Variants in VPS33B observed in about 807,000 individuals in gnomAD.
The protein encoded by VPS33B is vacuolar protein sorting-associated protein 33B.
A neutral mutation model predicts 95.3 loss-of-function variants in VPS33B; 80 were observed. That is an observed-to-expected ratio of 0.84 (90% CI 0.70 to 1.01). The LOEUF (loss-of-function observed/expected upper bound fraction) is 1.01. Among genes scored for constraint, VPS33B ranks in the 50% least tolerant of loss-of-function variants. The probability of loss-of-function intolerance (pLI) is 0.00; values close to 1 mark genes in which losing one functional copy is unlikely to be tolerated. For synonymous variants in VPS33B, 280 were observed against 280.4 expected (o/e 1.00, Z 0.01); for missense variants, 715 against 773.4 (o/e 0.92, Z 0.90).
chr15:91,005,840 C>A lies in VPS33B; in HGVS notation c.940-56G>T. On this transcript the variant is annotated intron_variant, in intron 12 of 22. Coordinates refer to ENST00000333371, the MANE Select transcript of VPS33B (RefSeq NM_018668.5). This position sits in a 1 kb window ranked among gnomAD's most constrained non-coding sequence, Gnocchi z 6.4. ...CAACCTCAGACACGAGAAACCACCA[C>A]CCTCCCTCAGTTGCCATCCATCCAT... 2 of 1,611,150 alleles carry A rather than the reference C, an allele frequency of 1.2e-6. No individual in the cohort carries two copies. Among genetic ancestry groups the A allele is most frequent in the Non-Finnish European group, 1.7e-6 (2 of 1,177,424 alleles).
At position 91,006,477 on chromosome 15, in the gene VPS33B, T is replaced by G; in HGVS notation, c.779-32A>C. 1 of 1,614,026 alleles carries G rather than the reference T, an allele frequency of 6.2e-7. No homozygotes were observed. Among genetic ancestry groups the G allele is most frequent in the South Asian group, 1.1e-5 (1 of 91,082 alleles). ...GAGCAGAGGGACAGCTATTAGGATCTCCAATGAGGACTTCTCCTACCATTC... is the reference window on the plus strand; with the variant it reads ...GAGCAGAGGGACAGCTATTAGGATCGCCAATGAGGACTTCTCCTACCATTC... On this transcript the variant is annotated intron_variant, in intron 10 of 22. Coordinates refer to ENST00000333371, the MANE Select transcript of VPS33B (RefSeq NM_018668.5). The surrounding 1 kb of genome is among the most constrained non-coding windows in gnomAD (Gnocchi z 5.4).
Position 91,002,723 on chromosome 15 carries a change from T to A in VPS33B, c.1272+362A>T, listed in dbSNP as rs552562849. Reference sequence around the variant, plus strand: ...GAGACTTTAGAGACCCATGGATGTATGGGAAAGGCTTCCTGGATGAAGTAA... The same window carrying A: ...GAGACTTTAGAGACCCATGGATGTAAGGGAAAGGCTTCCTGGATGAAGTAA... On this transcript the variant is annotated intron_variant, in intron 17 of 22. Transcript: ENST00000333371. The surrounding 1 kb of genome is among the most constrained non-coding windows in gnomAD (Gnocchi z 4.7). Among the ~76,000 whole-genome samples the A allele has an allele frequency of 9.3e-5, 14 of 150,072 alleles. No homozygotes were observed. In the South Asian group the frequency reaches 2.8e-3, roughly 30 times the overall value.
Position 91,022,429 on chromosome 15 carries a change from A to G in VPS33B, c.-180T>C. On this transcript the variant is annotated 5_prime_UTR_variant, in exon 1 of 23. Coordinates refer to ENST00000333371, the MANE Select transcript of VPS33B (RefSeq NM_018668.5). ...GAATGAATGGCCACCTCCAGGCAAG[A>G]GAGCTACTACCTCGGAGCAGCCTTG... The G allele has an allele frequency of 1.7e-6, 1 of 584,906 alleles. No homozygotes were observed. Among genetic ancestry groups the G allele is most frequent in the Non-Finnish European group, 3.0e-6 (1 of 332,638 alleles). 36.2% of individuals were successfully genotyped at this position (584,906 alleles called of 1,614,324 possible).
chr15:91,008,193 A>G (rs1051665664), intron 6 of VPS33B, among the ~76,000 whole-genome samples: 29 of 152,360 alleles, frequency 1.9e-4, no homozygotes, highest in African/African-American at 7.0e-4. Flanking sequence ...AGCCTGTAAT[A>G]CAATGTGATA....
chr15:91,001,524 A>G, intron 18 of VPS33B, 62 bp from the exon 19 acceptor site: 1 of 1,360,338 alleles, frequency 7.4e-7, no homozygotes, highest in Non-Finnish European at 1.1e-6. Flanking sequence ...ACTGCCACAG[A>G]TAACACCATT....
chr15:91,003,156 G>A, intron 16 of VPS33B, 25 bp from the exon 17 acceptor site: 7 of 1,613,888 alleles, frequency 4.3e-6, no homozygotes, highest in African/African-American at 1.3e-5. Context: ...AATAAGACAG[G>A]TGCATGAGAA....
At chr15:91,008,675 G>C (rs537643498) in intron 6 of VPS33B, among the ~76,000 whole-genome samples, 1 of 152,328 alleles carries the variant, frequency 6.6e-6, no homozygotes, top group South Asian at 2.1e-4. Flanking sequence ...ACCTTCTGGA[G>C]CTTACAGTCT....
At position 91,009,161 on chromosome 15, in the gene VPS33B, A is replaced by C. The variant is rs1172982818; in HGVS notation, c.403+640T>G. 6.6e-6 allele frequency among the ~76,000 whole-genome samples: 1 copy of C among 152,136 alleles called. No individual in the cohort carries two copies. Reference sequence around the variant, plus strand: ...TTTCCTGTGGGAGCCTTGGAAGGTGAGAAAAGAGTGGCTGGTCATTTCCAA... The same window carrying C: ...TTTCCTGTGGGAGCCTTGGAAGGTGCGAAAAGAGTGGCTGGTCATTTCCAA... On this transcript the variant is annotated intron_variant, in intron 6 of 22. Coordinates refer to ENST00000333371, the MANE Select transcript of VPS33B (RefSeq NM_018668.5). The surrounding 1 kb of genome is among the most constrained non-coding windows in gnomAD (Gnocchi z 4.1).
chr15:91,005,204 CTT>C lies in VPS33B; in HGVS notation c.1106-87_1106-86del. 6.2e-7 allele frequency: 1 copy of C among 1,612,822 alleles called. No individual in the cohort carries two copies. Reference sequence around the variant, plus strand: ...CTAACAGGTGTCTGTCTCCCCATCTCTTTCTCCATCCTTGGGGTGGGTTAAGG... The same window carrying C: ...CTAACAGGTGTCTGTCTCCCCATCTCTCTCCATCCTTGGGGTGGGTTAAGG... On this transcript the variant is annotated intron_variant, in intron 14 of 22. Coordinates refer to ENST00000333371, the MANE Select transcript of VPS33B (RefSeq NM_018668.5). The surrounding 1 kb of genome is among the most constrained non-coding windows in gnomAD (Gnocchi z 6.4).
rs374202621 is a variant in VPS33B at position 90,999,068 on chromosome 15, T to C, written c.1775-14A>G. The C allele has an allele frequency of 6.1e-5, 98 of 1,613,642 alleles. No homozygotes were observed. Among genetic ancestry groups the C allele is most frequent in the South Asian group, 1.6e-4 (15 of 90,946 alleles). On this transcript the variant is annotated splice_polypyrimidine_tract_variant and intron_variant, in intron 22 of 22. Transcript: ENST00000333371. This position sits in a 1 kb window ranked among gnomAD's most constrained non-coding sequence, Gnocchi z 5.1. ...TGAACCTGTAGCCTAAGGAGTCAAA[T>C]GCAGCAGCAGAAGAGACAGCACAGA...
At chr15:91,016,375 C>CTTTTTTTTT (rs796637381) in intron 3 of VPS33B, among the ~76,000 whole-genome samples, 9 of 96,014 alleles carry the variant, frequency 9.4e-5, no homozygotes, top group African/African-American at 2.1e-4. Flanking sequence ...GCAGATTCTT[C>CTTTTTTTTT]TTTTTTTTTT....
intron 3 of VPS33B, among the ~76,000 whole-genome samples, chr15:91,014,960 G>A (rs1005333487): frequency 2.0e-5 from 3 of 151,992 alleles, no homozygotes; most frequent in Admixed American, 2.0e-4. Flanking sequence ...CAGCACTTTG[G>A]GAGGCAGAGG....
intron 6 of VPS33B, among the ~76,000 whole-genome samples, chr15:91,008,949 CAGG>C (rs1304308563): frequency 1.3e-5 from 2 of 152,022 alleles, no homozygotes; most frequent in African/African-American, 4.8e-5. Flanking sequence ...GGTGGCGAGT[CAGG>C]AGAAGGAAGC....
At position 91,009,884 on chromosome 15, in the gene VPS33B, T is replaced by C. The variant is rs1325242134; in HGVS notation, c.358-38A>G. The C allele has an allele frequency of 6.2e-7, 1 of 1,612,056 alleles. No individual in the cohort carries two copies. The highest frequency in any genetic ancestry group is 8.5e-7 in the Non-Finnish European group (1 of 1,178,162). ...AGGAAATTGATTAGTAACTACCTTC[T>C]TCTCTGTTCTCTCCATTTCTCTGGA... On this transcript the variant is annotated intron_variant, in intron 5 of 22. Coordinates refer to ENST00000333371, the MANE Select transcript of VPS33B (RefSeq NM_018668.5). The surrounding 1 kb of genome is among the most constrained non-coding windows in gnomAD (Gnocchi z 4.1).
At position 91,011,852 on chromosome 15, in the gene VPS33B, G is replaced by A. The variant is rs964523797; in HGVS notation, c.357+1952C>T. Among the ~76,000 whole-genome samples, 3 of 152,066 alleles carry A rather than the reference G, an allele frequency of 2.0e-5. No individual in the cohort carries two copies. The highest frequency in any genetic ancestry group is 7.2e-5 in the African/African-American group (3 of 41,398). ...AAAATATAAAAAATTAGCCACGCAC[G>A]GTGGTGCACATCTGTAGTCCCAGCT... is the stretch of plus-strand genomic sequence containing the variant. On this transcript the variant is annotated intron_variant, in intron 5 of 22. Transcript: ENST00000333371. The surrounding 1 kb of genome is among the most constrained non-coding windows in gnomAD (Gnocchi z 5.5).
In VPS33B at chr15:91,007,445, C is replaced by G. The variant is rs757837350; in HGVS notation, c.603+24G>C. 2.5e-6 allele frequency: 4 copies of G among 1,609,056 alleles called. No homozygotes were observed. The highest frequency in any genetic ancestry group is 3.4e-6 in the Non-Finnish European group (4 of 1,175,364). The stretch of plus-strand genomic sequence containing the variant: ...ACAGGGAAAACAGCGTCTGCTGGGA[C>G]AACAGTACTGCTAGTGCTCTTACCT... On this transcript the variant is annotated intron_variant, in intron 8 of 22. Coordinates refer to ENST00000333371, the MANE Select transcript of VPS33B (RefSeq NM_018668.5). This position sits in a 1 kb window ranked among gnomAD's most constrained non-coding sequence, Gnocchi z 5.3.
rs2040887090 is a variant in VPS33B at position 91,015,142 on chromosome 15, C to A, written c.240-709G>T. Reference sequence around the variant, plus strand: ...CCTGAGGTCAGGAGTTTGAGACCAGCCCAGCCAACATGGTGAAACCCCGTC... The same window carrying A: ...CCTGAGGTCAGGAGTTTGAGACCAGACCAGCCAACATGGTGAAACCCCGTC... On this transcript the variant is annotated intron_variant, in intron 3 of 22. Transcript: ENST00000333371. This position sits in a 1 kb window ranked among gnomAD's most constrained non-coding sequence, Gnocchi z 4.7. 6.6e-6 allele frequency among the ~76,000 whole-genome samples: 1 copy of A among 151,336 alleles called. No individual in the cohort carries two copies. The highest frequency in any genetic ancestry group is 2.1e-4 in the South Asian group (1 of 4,784).
rs548774728 is a variant in VPS33B, at chr15:91,002,986, A to T, written c.1272+99T>A. The T allele has an allele frequency of 6.9e-6, 9 of 1,304,806 alleles. No homozygotes were observed. In the East Asian group the frequency reaches 2.1e-4, roughly 30 times the overall value. The allele number at this position is 1,304,806 out of a possible 1,614,324, so 80.8% of individuals were successfully genotyped here. A position where few individuals can be genotyped will look rare whatever the true frequency, so the allele number is the denominator to read the frequency against. ...AGGCCTGAATGGAAACAGGAGGGTA[A>T]TGGAGGCAGGAAAGGGGCCACTTCT... is the stretch of plus-strand genomic sequence containing the variant. On this transcript the variant is annotated intron_variant, in intron 17 of 22. Coordinates refer to ENST00000333371, the MANE Select transcript of VPS33B (RefSeq NM_018668.5). The surrounding 1 kb of genome is among the most constrained non-coding windows in gnomAD (Gnocchi z 4.7).
Position 91,006,310 on chromosome 15 carries a change from G to A in VPS33B, c.852+62C>T, listed in dbSNP as rs139639261. On this transcript the variant is annotated intron_variant, in intron 11 of 22. Coordinates refer to ENST00000333371, the MANE Select transcript of VPS33B (RefSeq NM_018668.5). The surrounding 1 kb of genome is among the most constrained non-coding windows in gnomAD (Gnocchi z 5.4). ...GCCCACAGCCTGGTATAAGCAGGGG[G>A]CCCACAGCCTGGTATAAGCAGTGGC... 20 of 1,160,626 alleles carry A rather than the reference G, an allele frequency of 1.7e-5. No individual in the cohort carries two copies. The highest frequency in any genetic ancestry group is 2.3e-5 in the Non-Finnish European group (20 of 877,292). The allele number at this position is 1,160,626 out of a possible 1,614,324, so 71.9% of individuals were successfully genotyped here. A position where few individuals can be genotyped will look rare whatever the true frequency, so the allele number is the denominator to read the frequency against.
Sources: gnomAD v4.1 joint callset for allele counts (sites outside exome capture counted in the v4.1 genomes callset) on GRCh38, gnomAD v4.1.1 for gene constraint, Gnocchi (gnomAD v3.1) non-coding constraint, MANE v1.5 for transcripts, NCBI Gene and HGNC (gene_info 2026-07-23, HGNC 2026-07-21) for gene names.